Variants in ERBB4 observed in about 807,000 individuals in gnomAD.
ERBB4 encodes receptor tyrosine-protein kinase erbB-4.
In ERBB4, 42 loss-of-function variants were observed where a neutral mutation model predicts 158.0. The observed-to-expected ratio is 0.27, with a 90% CI of 0.21 to 0.34. The LOEUF is 0.34. Ranked by LOEUF, ERBB4 falls within the 10% of genes least tolerant of loss-of-function variation. The pLI is 1.00. For synonymous variants in ERBB4, 583 were observed against 558.7 expected (o/e 1.04, Z -0.61); for missense variants, 1,333 against 1,624.1 (o/e 0.82, Z 3.08).
intron 3 of ERBB4, among the ~76,000 whole-genome samples, chr2:211,901,788 A>G (rs1055648636): frequency 6.6e-6 from 1 of 152,132 alleles, no homozygotes; most frequent in Admixed American, 6.6e-5. Context: ...CCAGTTAAAA[A>G]TGGCACTTGA....
chr2:212,464,875 A>G (rs942365699), intron 1 of ERBB4, among the ~76,000 whole-genome samples: 2 of 147,598 alleles, frequency 1.4e-5, no homozygotes, highest in African/African-American at 5.1e-5. Flanking sequence ...TTTGCAATCT[A>G]TTTAGAAAGG....
intron 7 of ERBB4, among the ~76,000 whole-genome samples, chr2:211,720,433 A>T (rs920445301): frequency 6.6e-6 from 1 of 152,326 alleles, no homozygotes; most frequent in South Asian, 2.1e-4. Context: ...GGCAAACTCA[A>T]TGATGAATTT....
chr2:211,501,505 A>C (rs1482470302), intron 20 of ERBB4, among the ~76,000 whole-genome samples: 3 of 151,626 alleles, frequency 2.0e-5, no homozygotes, highest in African/African-American at 7.3e-5. Context: ...ATTAAAAAAA[A>C]CAGCATAAAT....
At chr2:211,536,953 A>C (rs1001312408) in intron 20 of ERBB4, among the ~76,000 whole-genome samples, 8 of 151,968 alleles carry the variant, frequency 5.3e-5, no homozygotes, top group East Asian at 3.9e-4. Context: ...ACAAAAAAAA[A>C]CCACCTCTGT....
chr2:211,932,676 C>A (rs540265265), intron 3 of ERBB4, among the ~76,000 whole-genome samples: 93 of 151,916 alleles, frequency 6.1e-4, no homozygotes, highest in African/African-American at 1.8e-3. Context: ...TTATATATTA[C>A]CATTGATTTC....
intron 16 of ERBB4, among the ~76,000 whole-genome samples, chr2:211,639,191 T>C (rs1007083644): frequency 6.6e-6 from 1 of 152,198 alleles, no homozygotes; most frequent in African/African-American, 2.4e-5. Flanking sequence ...GTTTATATAC[T>C]GTTATCTAGA....
intron 12 of ERBB4, among the ~76,000 whole-genome samples, chr2:211,698,375 A>G (rs889302191): frequency 2.1e-4 from 32 of 151,476 alleles, no homozygotes; most frequent in African/African-American, 7.3e-4. Context: ...ATTGAATGGG[A>G]GATGCTTATA....
Position 211,937,754 on chromosome 2 carries a change from C to T in ERBB4, c.421+9676G>A, listed in dbSNP as rs376389671. ...AGAACAGGAAGGGGAAAACCAACCC[C>T]ATGATTCAATTATCTCCACCTGGTC... On this transcript the variant is annotated intron_variant, in intron 3 of 27. Coordinates refer to ENST00000342788, the MANE Select transcript of ERBB4 (RefSeq NM_005235.3). Among the ~76,000 whole-genome samples the T allele has an allele frequency of 1.0e-3, 152 of 152,242 alleles. 3 individuals carry two copies. In the South Asian group the frequency reaches 0.025, roughly 25 times the overall value.
At chr2:211,944,209 TATATACAC>T (rs376857349) in intron 3 of ERBB4, among the ~76,000 whole-genome samples, 866 of 14,902 alleles carry the variant, frequency 0.058, 30 homozygotes, top group African/African-American at 0.17. Flanking sequence ...ACTATATATA[TATATACAC>T]ACACACACAA....
At chr2:211,586,368 T>C (rs945130402) in intron 19 of ERBB4, among the ~76,000 whole-genome samples, 2 of 152,058 alleles carry the variant, frequency 1.3e-5, no homozygotes, top group Non-Finnish European at 2.9e-5. Flanking sequence ...ACCATAGATA[T>C]AAAAAGAATT....
Position 211,905,647 on chromosome 2 carries a change from CATATATATATAT to C in ERBB4, c.421+41771_421+41782del, listed in dbSNP as rs56758130. Among the ~76,000 whole-genome samples the C allele has an allele frequency of 3.3e-3, 237 of 71,432 alleles. 1 individual carries two copies. In the East Asian group the frequency reaches 0.034, roughly 10 times the overall value. 46.9% of individuals were successfully genotyped at this position (71,432 alleles called of 152,430 possible). A position where few individuals can be genotyped will look rare whatever the true frequency, so the allele number is the denominator to read the frequency against. ...TGAAGAGCAGTAAAGTAGGAAGGAT[CATATATATATAT>C]ATATATATATATATATATATATACA... is the stretch of plus-strand genomic sequence containing the variant. On this transcript the variant is annotated intron_variant, in intron 3 of 27. Coordinates refer to ENST00000342788, the MANE Select transcript of ERBB4 (RefSeq NM_005235.3).
intron 1 of ERBB4, among the ~76,000 whole-genome samples, chr2:212,326,282 G>A (rs765619582): frequency 8.0e-5 from 12 of 150,548 alleles, no homozygotes; most frequent in South Asian, 2.1e-4. Context: ...ATTTATATTC[G>A]TATCACTGTT....
intron 1 of ERBB4, among the ~76,000 whole-genome samples, chr2:212,189,866 A>G (rs982810047): frequency 1.3e-5 from 2 of 152,210 alleles, no homozygotes; most frequent in African/African-American, 4.8e-5. Context: ...GAGTTAAAAA[A>G]ATTATGCTCA....
In ERBB4 at chr2:211,523,659, C is replaced by T. The variant is rs372092522; in HGVS notation, c.2487+38244G>A. 1.7e-4 allele frequency among the ~76,000 whole-genome samples: 26 copies of T among 151,848 alleles called. No individual in the cohort carries two copies. The East Asian group carries it at 4.7e-3, about 27-fold the overall frequency. On this transcript the variant is annotated intron_variant, in intron 20 of 27. Transcript: ENST00000342788. ...CCTCCCGGTGGGCTCGTGGTCCCGC[C>T]GGCTTCAGGAGTGAAGCTGCAGACT...
intron 1 of ERBB4, among the ~76,000 whole-genome samples, chr2:212,311,636 C>T (rs1437626183): frequency 1.3e-5 from 2 of 150,946 alleles, no homozygotes; most frequent in Non-Finnish European, 3.0e-5. Flanking sequence ...GTAGACTGAT[C>T]ACATGCATCC....
intron 1 of ERBB4, among the ~76,000 whole-genome samples, chr2:212,396,438 C>T (rs915330276): frequency 6.6e-6 from 1 of 152,036 alleles, no homozygotes. Flanking sequence ...AGCAAGATAC[C>T]AACATTCTCT....
At chr2:211,827,381 A>G (rs1319584103) in intron 3 of ERBB4, among the ~76,000 whole-genome samples, 1 of 152,018 alleles carries the variant, frequency 6.6e-6, no homozygotes, top group East Asian at 1.9e-4. Flanking sequence ...TTTGTTGTAT[A>G]TCTTTTCAAA....
chr2:212,035,465 C>G (rs2076991918), intron 2 of ERBB4, among the ~76,000 whole-genome samples: 1 of 152,220 alleles, frequency 6.6e-6, no homozygotes, highest in Non-Finnish European at 1.5e-5. Context: ...TCAAAACCCA[C>G]AGCTCAGGTG....
intron 2 of ERBB4, among the ~76,000 whole-genome samples, chr2:212,015,099 TATATATATATATAA>T (rs1255773278): frequency 1.3e-5 from 1 of 74,394 alleles, no homozygotes. Flanking sequence ...TATATATATA[TATATATATATATAA>T]AAATTAGCCG....
Sources: gnomAD v4.1 joint callset for allele counts (sites outside exome capture counted in the v4.1 genomes callset) on GRCh38, gnomAD v4.1.1 for gene constraint, MANE v1.5 for transcripts, NCBI Gene and HGNC (gene_info 2026-07-23, HGNC 2026-07-21) for gene names.